The following LYZL2 variants were observed in gnomAD, a reference collection of about 807,000 sequenced individuals.
LYZL2 encodes the protein lysozyme-like protein 2.
A neutral mutation model predicts 17.1 loss-of-function variants in LYZL2; 13 were observed. That is an observed-to-expected ratio of 0.76 (90% confidence interval 0.49 to 1.21). The LOEUF is 1.21. Among genes scored for constraint, LYZL2 ranks in the 50% most tolerant of loss-of-function variants. The probability of loss-of-function intolerance (pLI) is 0.00; values close to 1 mark genes in which losing one functional copy is unlikely to be tolerated. For synonymous variants in LYZL2, 63 were observed against 74.4 expected (o/e 0.85, Z 0.79); for missense variants, 166 against 189.2 (o/e 0.88, Z 0.72).
chr10:30,624,190 AC>A (rs1402660827), intron 3 of LYZL2, among the ~76,000 whole-genome samples: 3 of 152,130 alleles, frequency 2.0e-5, no homozygotes, highest in Non-Finnish European at 4.4e-5. Context: ...TGCTCTGTGC[AC>A]TCAGAGGCCA....
chr10:30,615,023 A>G (rs1189775501), intron 3 of LYZL2, among the ~76,000 whole-genome samples: 1 of 152,246 alleles, frequency 6.6e-6, no homozygotes, highest in Non-Finnish European at 1.5e-5. Flanking sequence ...AATAATATGG[A>G]GAAATGCTCC....
In LYZL2 at chr10:30,626,157, C is replaced by A; in HGVS notation, c.246G>T (p.Trp82Cys). 5 of 1,614,262 alleles carry A rather than the reference C, an allele frequency of 3.1e-6. No individual in the cohort carries two copies. Among genetic ancestry groups the A allele is most frequent in the Non-Finnish European group, 4.2e-6 (5 of 1,180,054 alleles). ...YGIFQINSFA[W>C]CRRGKLKENN... ...TCTCCTTCAGCTTTCCGCGTCTGCA[C>A]CACGCGAAGCTGTTGATCTGGAAGA... Residue 82 changes from tryptophan to cysteine, a missense_variant, in exon 3 of 5, where the codon TGG (tryptophan) becomes TGT (cysteine). By Grantham distance (215) the Trp-to-Cys change is radical. Around this residue, in one of 2 missense-constraint regions of LYZL2, gnomAD observed 134 missense variants for 129.4 expected, o/e 1.04. Transcript: ENST00000647634.
At chr10:30,612,799 G>A (rs759298323) in intron 4 of LYZL2, 23 bp downstream of exon 4, 93 of 1,589,264 alleles carry the variant, frequency 5.9e-5, no homozygotes, top group Non-Finnish European at 7.9e-5. Context: ...GACAGCCCAA[G>A]TCTTCCAAGG....
Position 30,618,465 on chromosome 10 carries a change from T to C in LYZL2, c.299-5565A>G, listed in dbSNP as rs574592330. Among the ~76,000 whole-genome samples the C allele has an allele frequency of 5.3e-5, 8 of 152,336 alleles. No homozygotes were observed. In the South Asian group the frequency reaches 1.4e-3, roughly 28 times the overall value. On this transcript the variant is annotated intron_variant, in intron 3 of 4. Transcript: ENST00000647634. Reference sequence around the variant, plus strand: ...AGTAACCAAAACAGCATGGTACTGGTACCAAAACAGAGATATAGATCAATG... The same window carrying C: ...AGTAACCAAAACAGCATGGTACTGGCACCAAAACAGAGATATAGATCAATG...
downstream of LYZL2, among the ~76,000 whole-genome samples, chr10:30,611,530 AGAAGGAAGGAAGGAAGGAAGGAAG>A (rs762109748): frequency 2.5e-5 from 2 of 80,388 alleles, no homozygotes; most frequent in African/African-American, 9.7e-5. Flanking sequence ...GGAAAAAGAA[AGAAGGAAGGAAGGAAGGAAGGAAG>A]GAAGGAAGGA....
chr10:30,611,775 C>A (rs993741063), downstream of LYZL2: 23 of 922,358 alleles, frequency 2.5e-5, no homozygotes, highest in South Asian at 6.4e-5. Context: ...AAAAGGGAAC[C>A]GAGTCAGGGT....
At chr10:30,617,064 C>T (rs1306795681) in intron 3 of LYZL2, among the ~76,000 whole-genome samples, 2 of 152,072 alleles carry the variant, frequency 1.3e-5, no homozygotes, top group Non-Finnish European at 2.9e-5. Flanking sequence ...AGTGGTCTAG[C>T]GTATTTCCTG....
chr10:30,612,890 A>G lies in LYZL2; in HGVS notation c.309T>C (p.Thr103=), dbSNP rs554821698. The change falls in exon 4 of 5, where the codon ACT becomes ACC. Residue 103 remains threonine, a synonymous_variant. Coordinates refer to ENST00000647634, the MANE Select transcript of LYZL2 (RefSeq NM_183058.3). Reference sequence around the variant, plus strand: ...AGATAATCGCATCTGTGAGGTCATCAGTGACCAAGGCTGTAAAAAGAGAGG... The same window carrying G: ...AGATAATCGCATCTGTGAGGTCATCGGTGACCAAGGCTGTAAAAAGAGAGG... ...HCHVACSALV[T]DDLTDAIICA... is the part of the protein sequence containing the mutation. The G allele has an allele frequency of 4.3e-6, 7 of 1,613,918 alleles. No homozygotes were observed. In the Admixed American group the frequency reaches 5.0e-5, roughly 12 times the overall value.
chr10:30,613,565 G>A (rs10159942), intron 3 of LYZL2, among the ~76,000 whole-genome samples: 17,181 of 151,230 alleles, frequency 0.11, 1,052 homozygotes, highest in South Asian at 0.18. Flanking sequence ...TTAGTTTGAC[G>A]TGTAAGGTTT....
intron 3 of LYZL2, among the ~76,000 whole-genome samples, chr10:30,622,573 A>AG (rs1838641763): frequency 6.6e-6 from 1 of 151,418 alleles, no homozygotes; most frequent in Non-Finnish European, 1.5e-5. Flanking sequence ...AGAAAAAAAA[A>AG]GAAAAAGAAA....
chr10:30,623,616 C>A (rs989359683), intron 3 of LYZL2, among the ~76,000 whole-genome samples: 6 of 152,208 alleles, frequency 3.9e-5, no homozygotes, highest in African/African-American at 1.4e-4. Context: ...ATTTAGGTTA[C>A]ATTCTCCTTA....
chr10:30,619,772 A>G (rs1045807712), intron 3 of LYZL2, among the ~76,000 whole-genome samples: 16 of 152,176 alleles, frequency 1.1e-4, no homozygotes, highest in Non-Finnish European at 1.5e-4. Context: ...GCACATGTAT[A>G]CATATGTAAC....
intron 3 of LYZL2, among the ~76,000 whole-genome samples, chr10:30,622,361 A>G (rs948744615): frequency 2.6e-5 from 4 of 151,960 alleles, no homozygotes; most frequent in Non-Finnish European, 2.9e-5. Context: ...CCTGGCTGAC[A>G]CAGTGAAACC....
chr10:30,627,421 G>T (rs903254873), intron 1 of LYZL2, among the ~76,000 whole-genome samples: 3 of 151,034 alleles, frequency 2.0e-5, no homozygotes, highest in African/African-American at 7.3e-5. Flanking sequence ...ACCTCAGCCT[G>T]CTCAGTGTGA....
chr10:30,614,213 T>C (rs1838493064), intron 3 of LYZL2, among the ~76,000 whole-genome samples: 1 of 152,108 alleles, frequency 6.6e-6, no homozygotes, highest in South Asian at 2.1e-4. Flanking sequence ...CTGAGATGGG[T>C]TTGAAATGCC....
rs186345698 is a variant in LYZL2, at chr10:30,616,327, C to T, written c.299-3427G>A. Among the ~76,000 whole-genome samples the T allele has an allele frequency of 1.1e-4, 17 of 152,256 alleles. No homozygotes were observed. In the East Asian group the frequency reaches 2.5e-3, roughly 22 times the overall value. The stretch of plus-strand genomic sequence containing the variant: ...AAGAGATAGCAATTGAAACAACATA[C>T]GCAGATTCACTAGCATTTGGTTTAT... On this transcript the variant is annotated intron_variant, in intron 3 of 4. Coordinates refer to ENST00000647634, the MANE Select transcript of LYZL2 (RefSeq NM_183058.3).
At chr10:30,628,145 G>C (rs902291964) in intron 1 of LYZL2, among the ~76,000 whole-genome samples, 16 of 151,840 alleles carry the variant, frequency 1.1e-4, no homozygotes, top group African/African-American at 3.9e-4. Flanking sequence ...GGGCGACAGA[G>C]CGAGACTCCG....
downstream of LYZL2, chr10:30,611,722 GA>G (rs72378746): frequency 0.011 from 1,268 of 118,096 alleles, 20 homozygotes; most frequent in Non-Finnish European, 0.014. Context: ...AAGAAAGAAA[GA>G]AAAGAAAAGA....
chr10:30,609,824 T>A (rs1203025889), downstream of LYZL2, among the ~76,000 whole-genome samples: 1 of 152,228 alleles, frequency 6.6e-6, no homozygotes, highest in Non-Finnish European at 1.5e-5. Context: ...AGGCATTAAT[T>A]ATGGAAAATT....
Sources: allele counts gnomAD v4.1 joint callset (sites outside exome capture counted in the v4.1 genomes callset), GRCh38; gene constraint gnomAD v4.1.1; regional missense constraint gnomAD v4.1.1; transcripts MANE v1.5; gene names NCBI Gene and HGNC (gene_info 2026-07-23, HGNC 2026-07-21).